DRC11: variants seen among roughly 807,000 people sequenced by gnomAD.
The protein encoded by DRC11 is IQ and AAA domain-containing protein 1.
At chr2:236,505,963 T>C in the DRC11 span, among the ~76,000 whole-genome samples, 1 of 152,202 alleles carries the variant, frequency 6.6e-6, no homozygotes, top group South Asian at 2.1e-4. Flanking sequence ...TCACCATCTA[T>C]AGTTTCTCTC....
the DRC11 span, among the ~76,000 whole-genome samples, chr2:236,414,137 CAGAT>C: frequency 1.3e-5 from 2 of 152,166 alleles, no homozygotes; most frequent in African/African-American, 2.4e-5. Context: ...TAATCCTTTT[CAGAT>C]AGATAGTTTG....
the DRC11 span, among the ~76,000 whole-genome samples, chr2:236,379,066 C>T: frequency 6.6e-6 from 1 of 152,304 alleles, no homozygotes; most frequent in East Asian, 1.9e-4. Context: ...TTCTGGCCTC[C>T]CTGGAGGCCA....
chr2:236,343,689 C>A, the DRC11 span: 3 of 1,300,300 alleles, frequency 2.3e-6, no homozygotes, highest in African/African-American at 4.6e-5. This position sits in a 1 kb window ranked among gnomAD's most constrained non-coding sequence, Gnocchi z 6.6. Context: ...TTCCTGCCAT[C>A]CATTTTGCAT....
the DRC11 span, among the ~76,000 whole-genome samples, chr2:236,415,915 T>C: frequency 6.6e-6 from 1 of 152,212 alleles, no homozygotes; most frequent in African/African-American, 2.4e-5. This position sits in a 1 kb window ranked among gnomAD's most constrained non-coding sequence, Gnocchi z 5.7. Flanking sequence ...TTCTCTTTAT[T>C]CTTAGGCACT....
At chr2:236,357,665 T>C in the DRC11 span, among the ~76,000 whole-genome samples, 4 of 87,244 alleles carry the variant, frequency 4.6e-5, no homozygotes, top group Non-Finnish European at 1.0e-4. Context: ...ATATTCATAA[T>C]ACATAAATAT....
the DRC11 span, among the ~76,000 whole-genome samples, chr2:236,347,508 C>CTATATA: frequency 2.0e-4 from 21 of 107,532 alleles, 3 homozygotes; most frequent in South Asian, 5.8e-4. Flanking sequence ...AAAAACTGTG[C>CTATATA]TATATATATA....
At chr2:236,423,438 A>G in the DRC11 span, among the ~76,000 whole-genome samples, 1 of 152,250 alleles carries the variant, frequency 6.6e-6, no homozygotes, top group Non-Finnish European at 1.5e-5. Context: ...CAGCCAAACG[A>G]CACATGAAAA....
the DRC11 span, among the ~76,000 whole-genome samples, chr2:236,362,894 C>T: frequency 7.2e-5 from 11 of 152,152 alleles, no homozygotes; most frequent in Non-Finnish European, 1.3e-4. The surrounding 1 kb of genome is among the most constrained non-coding windows in gnomAD (Gnocchi z 5.7). Context: ...GGGAAGAAAT[C>T]CTACTGCTGT....
chr2:236,438,677 A>C, the DRC11 span, among the ~76,000 whole-genome samples: 1 of 152,068 alleles, frequency 6.6e-6, no homozygotes. Context: ...TAAGTTAACA[A>C]GGATACCCAG....
chr2:236,491,116 ACAGTGTG>A, the DRC11 span, among the ~76,000 whole-genome samples: 1 of 118,452 alleles, frequency 8.4e-6, no homozygotes, highest in African/African-American at 3.4e-5. Context: ...GTATATATAT[ACAGTGTG>A]TATATATATA....
chr2:236,322,659 C>G, the DRC11 span, among the ~76,000 whole-genome samples: 1 of 152,198 alleles, frequency 6.6e-6, no homozygotes, highest in Non-Finnish European at 1.5e-5. Context: ...GCAATCACGT[C>G]TCCATGTTAG....
chr2:236,507,047 A>G, the DRC11 span, among the ~76,000 whole-genome samples: 1 of 152,118 alleles, frequency 6.6e-6, no homozygotes, highest in Non-Finnish European at 1.5e-5. Flanking sequence ...GGGAGATCTA[A>G]GTGTATGATT....
At chr2:236,404,667 C>G in the DRC11 span, among the ~76,000 whole-genome samples, 2 of 152,328 alleles carry the variant, frequency 1.3e-5, no homozygotes, top group East Asian at 3.9e-4. Context: ...CACCATGGGC[C>G]TGGAGTTAAC....
At chr2:236,399,358 G>T in the DRC11 span, 2 of 1,378,316 alleles carry the variant, frequency 1.5e-6, no homozygotes, top group Non-Finnish European at 2.1e-6. The surrounding 1 kb of genome is among the most constrained non-coding windows in gnomAD (Gnocchi z 7.0). Context: ...TCCCGTGATG[G>T]GGTTCCCAGC....
At chr2:236,453,842 ATGT>A in the DRC11 span, among the ~76,000 whole-genome samples, 2 of 152,032 alleles carry the variant, frequency 1.3e-5, no homozygotes, top group African/African-American at 4.8e-5. This position sits in a 1 kb window ranked among gnomAD's most constrained non-coding sequence, Gnocchi z 4.9. Flanking sequence ...GGGTTTCATC[ATGT>A]TGGCCAGGCT....
At chr2:236,316,429 C>A in the DRC11 span, among the ~76,000 whole-genome samples, 1 of 152,146 alleles carries the variant, frequency 6.6e-6, no homozygotes, top group Non-Finnish European at 1.5e-5. This position sits in a 1 kb window ranked among gnomAD's most constrained non-coding sequence, Gnocchi z 6.8. Context: ...TCCCAAAGTG[C>A]TGGGATTACA....
chr2:236,364,281 T>C, the DRC11 span, among the ~76,000 whole-genome samples: 3 of 150,072 alleles, frequency 2.0e-5, no homozygotes, highest in Admixed American at 6.6e-5. Flanking sequence ...ATTCCTGCAA[T>C]AGCTTACCTC....
At chr2:236,484,999 T>A in the DRC11 span, among the ~76,000 whole-genome samples, 8 of 152,194 alleles carry the variant, frequency 5.3e-5, no homozygotes, top group African/African-American at 9.6e-5. Flanking sequence ...CCATGCATGC[T>A]CTCACAGGAC....
the DRC11 span, among the ~76,000 whole-genome samples, chr2:236,341,177 C>T: frequency 6.6e-6 from 1 of 152,252 alleles, no homozygotes; most frequent in African/African-American, 2.4e-5. Flanking sequence ...CCCAAGAAAG[C>T]AGCGATTCCT....
Sources: allele counts gnomAD v4.1 joint callset (sites outside exome capture counted in the v4.1 genomes callset), GRCh38; gene constraint gnomAD v4.1.1; non-coding constraint Gnocchi (gnomAD v3.1); transcripts MANE v1.5; gene names NCBI Gene and HGNC (gene_info 2026-07-23, HGNC 2026-07-21).